Variants in SIK3 observed in about 807,000 individuals in gnomAD.
The protein encoded by SIK3 is SIK family kinase 3, also known as serine/threonine-protein kinase SIK3.
A neutral mutation model predicts 144.2 loss-of-function variants in SIK3; 28 were observed. The observed-to-expected ratio is 0.19, with a 90% CI of 0.14 to 0.27. The LOEUF (loss-of-function observed/expected upper bound fraction) is 0.27, where lower values mean the gene tolerates loss of function less well. SIK3 is among the 10% of genes least tolerant of loss of function. SIK3 has a pLI of 1.00. For missense variants in SIK3, 1,319 were observed against 1,776.0 expected (o/e 0.74, Z 4.62); for synonymous variants, 686 against 676.3 (o/e 1.01, Z -0.22).
intron 1 of SIK3, among the ~76,000 whole-genome samples, chr11:116,976,963 T>C (rs759591451): frequency 4.6e-5 from 7 of 152,226 alleles, no homozygotes; most frequent in Non-Finnish European, 1.0e-4. Context: ...GATTTATTAA[T>C]TAATGAGAAT....
At chr11:117,049,531 T>G (rs1293531469) in intron 1 of SIK3, among the ~76,000 whole-genome samples, 1 of 151,664 alleles carries the variant, frequency 6.6e-6, no homozygotes, top group Non-Finnish European at 1.5e-5. Flanking sequence ...TAAGCCGAGA[T>G]CGCGCCACTG....
chr11:116,999,337 G>A (rs1467406209), intron 1 of SIK3, among the ~76,000 whole-genome samples: 1 of 152,092 alleles, frequency 6.6e-6, no homozygotes, highest in Non-Finnish European at 1.5e-5. Context: ...CTCCAACTAC[G>A]GTTGTAAACT....
chr11:116,857,639 C>T, intron 21 of SIK3, 171 bp downstream of exon 21: 7 of 1,088,018 alleles, frequency 6.4e-6, no homozygotes, highest in South Asian at 3.8e-5. Flanking sequence ...GAAAATGGAC[C>T]CCTTGCCCAC....
rs115649217 is a variant in SIK3, at chr11:116,990,961, T to C, written c.274-33897A>G. Among the ~76,000 whole-genome samples, 168 of 152,334 alleles carry C rather than the reference T, an allele frequency of 1.1e-3. 1 individual carries two copies. Among genetic ancestry groups the C allele is most frequent in the African/African-American group, 3.7e-3 (153 of 41,576 alleles). ...TACTATTTTTCAGCTACATTTACAG[T>C]GTGTCAAGAGCTGTGCTTTACATAT... On this transcript the variant is annotated intron_variant, in intron 1 of 24. Transcript: ENST00000445177.
At chr11:117,089,251 C>CA (rs1425219168) in intron 1 of SIK3, among the ~76,000 whole-genome samples, 5 of 151,754 alleles carry the variant, frequency 3.3e-5, no homozygotes, top group Non-Finnish European at 5.9e-5. Context: ...ACTAAAAATA[C>CA]AAAAAATTAG....
intron 6 of SIK3, among the ~76,000 whole-genome samples, chr11:116,894,271 T>C (rs1945280595): frequency 6.6e-6 from 1 of 152,204 alleles, no homozygotes; most frequent in Non-Finnish European, 1.5e-5. Context: ...CTGTAACCAC[T>C]GCCTAAAAAG....
rs150921868 is a variant in SIK3, at chr11:117,035,803, C to T, written c.273+62340G>A. 295 of 1,455,406 alleles carry T rather than the reference C, an allele frequency of 2.0e-4. 1 individual carries two copies. The highest frequency in any genetic ancestry group is 1.2e-3 in the Middle Eastern group (5 of 4,186). The allele number at this position is 1,455,406 out of a possible 1,614,324, so 90.2% of individuals were successfully genotyped here. A position where few individuals can be genotyped will look rare whatever the true frequency, so the allele number is the denominator to read the frequency against. On this transcript the variant is annotated intron_variant, in intron 1 of 24. Transcript: ENST00000445177. ...ATCTTGATTCAGAGTGCTTTTAGTG[C>T]TGCTTCCTCCTGAAGGAACATCCTT...
At chr11:117,017,392 G>A (rs1233829190) in intron 1 of SIK3, among the ~76,000 whole-genome samples, 2 of 152,178 alleles carry the variant, frequency 1.3e-5, no homozygotes, top group African/African-American at 4.8e-5. Context: ...GTTGTATATA[G>A]GAGTATTTAT....
chr11:117,056,429 A>G (rs1953525658), intron 1 of SIK3, among the ~76,000 whole-genome samples: 1 of 152,140 alleles, frequency 6.6e-6, no homozygotes, highest in African/African-American at 2.4e-5. Context: ...TATGTAAATG[A>G]TGAGTTAATG....
chr11:116,850,389 C>A (rs1433035266), intron 21 of SIK3, among the ~76,000 whole-genome samples: 1 of 152,236 alleles, frequency 6.6e-6, no homozygotes, highest in Non-Finnish European at 1.5e-5. Flanking sequence ...TTTGCCCTCA[C>A]TGTTCCTTCT....
chr11:117,094,280 CT>C (rs571962308), intron 1 of SIK3, among the ~76,000 whole-genome samples: 17 of 152,020 alleles, frequency 1.1e-4, no homozygotes, highest in Non-Finnish European at 2.2e-4. Flanking sequence ...TGGCCAAAGG[CT>C]TTTATAGTCA....
At position 117,098,194 on chromosome 11, in the gene SIK3, C is replaced by A; in HGVS notation, c.222G>T (p.Lys74Asn). ...CCCGCTTGACCACCGCGAAGTTGCC[C>A]TTGCCGATGGTGCGGTCGATCTCGT... is the stretch of plus-strand genomic sequence containing the variant. Reference protein sequence around the residue: ...GYYEIDRTIGKGNFAVVKRAT... With the variant: ...GYYEIDRTIGNGNFAVVKRAT... Residue 74 changes from lysine to asparagine, a missense_variant, in exon 1 of 25, where the codon AAG becomes AAT. This residue lies in a region of SIK3 where 114 missense variants were observed against 116.2 expected (regional missense o/e 0.98). Transcript: ENST00000445177. The A allele has an allele frequency of 6.6e-7, 1 of 1,523,636 alleles. No individual in the cohort carries two copies. Among genetic ancestry groups the A allele is most frequent in the Non-Finnish European group, 8.8e-7 (1 of 1,135,790 alleles). The allele number at this position is 1,523,636 out of a possible 1,614,324, so 94.4% of individuals were successfully genotyped here.
intron 1 of SIK3, among the ~76,000 whole-genome samples, chr11:117,053,723 T>C (rs117857960): frequency 0.026 from 3,723 of 141,140 alleles, 85 homozygotes; most frequent in South Asian, 0.12. Flanking sequence ...CATGGCTCAC[T>C]GCAGCCTCAA....
chr11:116,915,822 T>G (rs953421219), intron 4 of SIK3, among the ~76,000 whole-genome samples: 6 of 152,248 alleles, frequency 3.9e-5, no homozygotes, highest in African/African-American at 1.4e-4. Context: ...TTCTTTATGC[T>G]TTATATAATC....
intron 1 of SIK3, among the ~76,000 whole-genome samples, chr11:117,074,693 CAGG>C (rs1403178144): frequency 6.6e-6 from 1 of 152,032 alleles, no homozygotes; most frequent in Non-Finnish European, 1.5e-5. Flanking sequence ...GAGGCCCAGG[CAGG>C]AGGATTCCCT....
chr11:116,889,105 A>C (rs570194163), intron 6 of SIK3, among the ~76,000 whole-genome samples: 18 of 152,166 alleles, frequency 1.2e-4, no homozygotes, highest in Non-Finnish European at 2.2e-4. Context: ...TAAAACAAAC[A>C]CTAAATTTGA....
chr11:116,874,016 A>T lies in SIK3; in HGVS notation c.1468T>A (p.Phe490Ile). The change falls in exon 12 of 25, where the codon TTT becomes ATT. Residue 490 changes from phenylalanine to isoleucine, a missense_variant. Transcript: ENST00000445177. ...MEDLQKLLPGFPGVNPQAPFL... is the reference protein window; with the variant it reads ...MEDLQKLLPGIPGVNPQAPFL... ...GGAGCCTGGGGGTTGACTCCAGGAA[A>T]GCCAGGTAGGAGCTTCTGCAGATCT... 1 of 1,614,174 alleles carries T rather than the reference A, an allele frequency of 6.2e-7. No homozygotes were observed. Among genetic ancestry groups the T allele is most frequent in the Non-Finnish European group, 8.5e-7 (1 of 1,180,018 alleles).
At chr11:117,002,353 C>T (rs1352161121) in intron 1 of SIK3, among the ~76,000 whole-genome samples, 1 of 151,820 alleles carries the variant, frequency 6.6e-6, no homozygotes, top group Admixed American at 6.6e-5. Context: ...TTATATGTGG[C>T]CCAACACAAT....
intron 1 of SIK3, among the ~76,000 whole-genome samples, chr11:117,034,189 C>T (rs1328954673): frequency 1.3e-5 from 2 of 152,126 alleles, no homozygotes; most frequent in Non-Finnish European, 2.9e-5. Flanking sequence ...ACATGAAGAA[C>T]TAGTATACAT....
Sources: gnomAD v4.1 joint callset for allele counts (sites outside exome capture counted in the v4.1 genomes callset) on GRCh38, gnomAD v4.1.1 for gene constraint, gnomAD v4.1.1 regional missense constraint, MANE v1.5 for transcripts, NCBI Gene and HGNC (gene_info 2026-07-23, HGNC 2026-07-21) for gene names.